ECT2L: variants seen among roughly 807,000 people sequenced by gnomAD.
ECT2L encodes epithelial cell transforming 2 like.
A neutral mutation model predicts 122.8 loss-of-function variants in ECT2L; 126 were observed. The ratio of observed to expected loss-of-function variants is 1.03; its 90% CI spans 0.89 to 1.19. The LOEUF (loss-of-function observed/expected upper bound fraction) is 1.19, where lower values mean the gene tolerates loss of function less well. Ranked by LOEUF, ECT2L falls within the 50% of genes most tolerant of loss-of-function variation. The pLI, the probability that ECT2L is intolerant of heterozygous loss-of-function variation, is 0.00. For synonymous variants in ECT2L, 385 were observed against 381.8 expected (o/e 1.01, Z -0.10); for missense variants, 1,012 against 1,064.1 (o/e 0.95, Z 0.68).
chr6:138,863,003 AAAGT>A (rs1195495304), intron 11 of ECT2L, among the ~76,000 whole-genome samples: 1 of 152,246 alleles, frequency 6.6e-6, no homozygotes, highest in Non-Finnish European at 1.5e-5. Context: ...CTGATCTAGA[AAAGT>A]AAGAAGTACA....
chr6:138,881,452 C>A (rs1269560371), intron 15 of ECT2L, among the ~76,000 whole-genome samples: 1 of 151,946 alleles, frequency 6.6e-6, no homozygotes, highest in Non-Finnish European at 1.5e-5. Flanking sequence ...CACCAGGAAC[C>A]AGTTTCATGG....
chr6:138,854,150 A>G lies in ECT2L; in HGVS notation c.1194A>G (p.Ala398=), dbSNP rs1777538115. The G allele has an allele frequency of 6.2e-7, 1 of 1,613,400 alleles. No homozygotes were observed. The highest frequency in any genetic ancestry group is 1.1e-5 in the South Asian group (1 of 90,982). ...TGGACTTCTTCGTGCCCCTTGGAGC[A>G]TCAGGTTAGCTCAGAACACCTTATA... ...GHVDFFVPLG[A]SEAGIEVLSQ... Residue 398 remains alanine, a synonymous_variant, in exon 10 of 22, where the codon GCA becomes GCG. Coordinates refer to ENST00000541398, the MANE Select transcript of ECT2L (RefSeq NM_001077706.3).
intron 1 of ECT2L, among the ~76,000 whole-genome samples, chr6:138,801,648 A>G (rs6570284): frequency 0.53 from 80,391 of 151,906 alleles, 22,282 homozygotes; most frequent in East Asian, 0.73. Context: ...CCAGCTACTC[A>G]GGAGGCTGAG....
At chr6:138,889,331 C>T (rs1366432842) in intron 20 of ECT2L, among the ~76,000 whole-genome samples, 2 of 147,046 alleles carry the variant, frequency 1.4e-5, no homozygotes, top group Non-Finnish European at 3.0e-5. Flanking sequence ...TTTTCTTTTT[C>T]TTTTTTTTTT....
chr6:138,814,384 C>A, intron 3 of ECT2L, 107 bp from the exon 4 acceptor site: 1 of 637,500 alleles, frequency 1.6e-6, no homozygotes, highest in East Asian at 2.8e-5. Context: ...GTAATGCACT[C>A]TGCAAATATT....
intron 20 of ECT2L, among the ~76,000 whole-genome samples, chr6:138,897,542 T>C (rs2128414646): frequency 6.6e-6 from 1 of 152,266 alleles, no homozygotes; most frequent in South Asian, 2.1e-4. Flanking sequence ...GCGTATTTAG[T>C]TTAACCGTAT....
chr6:138,885,221 G>C (rs1437243235), intron 16 of ECT2L, among the ~76,000 whole-genome samples: 1 of 151,684 alleles, frequency 6.6e-6, no homozygotes, highest in African/African-American at 2.4e-5. Flanking sequence ...GTAGAGACAG[G>C]GTTTCACCAT....
At chr6:138,877,824 G>A (rs527307833) in intron 14 of ECT2L, among the ~76,000 whole-genome samples, 20 of 152,272 alleles carry the variant, frequency 1.3e-4, no homozygotes, top group African/African-American at 4.3e-4. Flanking sequence ...GGCTGAGGCA[G>A]GAGGATTGCT....
intron 3 of ECT2L, among the ~76,000 whole-genome samples, 179 bp from the exon 4 acceptor site, chr6:138,814,312 G>T (rs2128373808): frequency 6.6e-6 from 1 of 152,288 alleles, no homozygotes; most frequent in Admixed American, 6.5e-5. Flanking sequence ...GTATCCCTGG[G>T]TAAAAAGTTT....
At chr6:138,810,942 G>A (rs1775870964) in intron 1 of ECT2L, among the ~76,000 whole-genome samples, 2 of 152,118 alleles carry the variant, frequency 1.3e-5, no homozygotes, top group Admixed American at 6.5e-5. Context: ...GTGAGTGAGT[G>A]TGTTCTGCAT....
At chr6:138,892,863 A>C (rs969123514) in intron 20 of ECT2L, among the ~76,000 whole-genome samples, 4 of 152,308 alleles carry the variant, frequency 2.6e-5, no homozygotes, top group Middle Eastern at 3.4e-3. Flanking sequence ...ACAGGTCTTC[A>C]GTGTGAAGTT....
intron 10 of ECT2L, among the ~76,000 whole-genome samples, chr6:138,861,983 C>T (rs1777850386): frequency 6.6e-6 from 1 of 152,290 alleles, no homozygotes; most frequent in Middle Eastern, 3.4e-3. Flanking sequence ...AAACTCCATG[C>T]CCTCTTTCCC....
intron 13 of ECT2L, among the ~76,000 whole-genome samples, chr6:138,874,211 A>C (rs1232290068): frequency 6.6e-6 from 1 of 151,926 alleles, no homozygotes; most frequent in Non-Finnish European, 1.5e-5. Flanking sequence ...AAAATTCCTA[A>C]CATGTTCTTT....
At chr6:138,846,203 A>C (rs1252210276) in intron 7 of ECT2L, among the ~76,000 whole-genome samples, 1 of 152,182 alleles carries the variant, frequency 6.6e-6, no homozygotes, top group Non-Finnish European at 1.5e-5. Context: ...CTAGAAGGAA[A>C]TTCAAAATCT....
chr6:138,849,284 G>C lies in ECT2L; in HGVS notation c.919G>C (p.Val307Leu). Reference protein sequence around the residue: ...IPAYEMVMESVKAGVVSVVYE... With the variant: ...IPAYEMVMESLKAGVVSVVYE... ...CATTCTCCAGATGGTGATGGAGAGTGTGAAGGCTGGTGTTGTTTCTGTGGT... is the reference window on the plus strand; with the variant it reads ...CATTCTCCAGATGGTGATGGAGAGTCTGAAGGCTGGTGTTGTTTCTGTGGT... The change falls in exon 9 of 22, where the codon GTG becomes CTG. Residue 307 changes from valine to leucine, a missense_variant. By Grantham distance (32) the Val-to-Leu change is conservative. Transcript: ENST00000541398. The C allele has an allele frequency of 6.2e-7, 1 of 1,612,800 alleles. No homozygotes were observed. The highest frequency in any genetic ancestry group is 8.5e-7 in the Non-Finnish European group (1 of 1,179,450).
intron 4 of ECT2L, among the ~76,000 whole-genome samples, chr6:138,829,022 A>ATT (rs61589748): frequency 1.3e-4 from 16 of 123,594 alleles, no homozygotes; most frequent in East Asian, 5.7e-4. Context: ...TAAGTTTAAA[A>ATT]TTTTTTTTTT....
chr6:138,890,679 CCTTT>C (rs1778993970), intron 20 of ECT2L, among the ~76,000 whole-genome samples: 1 of 151,812 alleles, frequency 6.6e-6, no homozygotes, highest in South Asian at 2.1e-4. Flanking sequence ...AAACACTCTT[CCTTT>C]CTTTACATAA....
At chr6:138,860,874 C>T (rs1777805201) in intron 10 of ECT2L, among the ~76,000 whole-genome samples, 4 of 152,064 alleles carry the variant, frequency 2.6e-5, no homozygotes, top group Admixed American at 2.0e-4. Flanking sequence ...CTCTCCCTCC[C>T]CTTTCCCGCC....
At chr6:138,870,878 A>C (rs1236021548) in intron 13 of ECT2L, among the ~76,000 whole-genome samples, 1 of 151,976 alleles carries the variant, frequency 6.6e-6, no homozygotes, top group African/African-American at 2.4e-5. Flanking sequence ...GCATCGTGGC[A>C]TGCCTATAAT....
Sources: allele counts gnomAD v4.1 joint callset (sites outside exome capture counted in the v4.1 genomes callset), GRCh38; gene constraint gnomAD v4.1.1; transcripts MANE v1.5; gene names NCBI Gene and HGNC (gene_info 2026-07-23, HGNC 2026-07-21).